Variants in KDM4B observed in about 807,000 individuals in gnomAD.
KDM4B encodes the protein lysine demethylase 4B, also known as lysine-specific demethylase 4B.
In KDM4B, 32 loss-of-function variants were observed where a neutral mutation model predicts 125.2. The observed-to-expected ratio is 0.26, with a 90% CI of 0.19 to 0.34. The LOEUF is 0.34. Among genes scored for constraint, KDM4B ranks in the 10% least tolerant of loss-of-function variants. The pLI is 1.00. For synonymous variants in KDM4B, 721 were observed against 677.9 expected, an observed-to-expected ratio of 1.06 and a Z score of -0.99; for missense variants, 1,190 against 1,577.7, an observed-to-expected ratio of 0.75 and a Z score of 4.16.
At chr19:5,091,519 C>T (rs557955976) in intron 9 of KDM4B, among the ~76,000 whole-genome samples, 1 of 152,262 alleles carries the variant, frequency 6.6e-6, no homozygotes, top group South Asian at 2.1e-4. Context: ...CCATCTCCTC[C>T]CACCTCCCCG....
chr19:5,051,949 G>A (rs1445187868), intron 6 of KDM4B, among the ~76,000 whole-genome samples: 1 of 152,200 alleles, frequency 6.6e-6, no homozygotes, highest in East Asian at 1.9e-4. Context: ...TGCAGGTGTG[G>A]GAGGTGGGGG....
At chr19:4,975,171 C>A (rs749214089) in intron 1 of KDM4B, among the ~76,000 whole-genome samples, 1 of 152,072 alleles carries the variant, frequency 6.6e-6, no homozygotes, top group Non-Finnish European at 1.5e-5. Flanking sequence ...CTGGAAGGGC[C>A]GGAGAATAAA....
chr19:5,058,195 A>G (rs1009932621), intron 6 of KDM4B, among the ~76,000 whole-genome samples: 3 of 151,784 alleles, frequency 2.0e-5, no homozygotes, highest in East Asian at 2.0e-4. Context: ...GGCTCAGCCA[A>G]CAGGGTCTTG....
chr19:5,090,113 T>C (rs1456253087), intron 9 of KDM4B, among the ~76,000 whole-genome samples: 1 of 151,508 alleles, frequency 6.6e-6, no homozygotes, highest in Non-Finnish European at 1.5e-5. Flanking sequence ...GAGGACAGAG[T>C]GGAAGGTCCT....
chr19:5,082,574 C>A lies in KDM4B; in HGVS notation c.918+70C>A, dbSNP rs1478988564. ...AGGCTCTTTTTTGCCTCTGCAGCCA[C>A]ACGCCCATAGCTGGTCCAGCAGCCG... On this transcript the variant is annotated intron_variant, in intron 9 of 22. Coordinates refer to ENST00000159111, the MANE Select transcript of KDM4B (RefSeq NM_015015.3). This position sits in a 1 kb window ranked among gnomAD's most constrained non-coding sequence, Gnocchi z 5.4. 3.3e-6 allele frequency: 5 copies of A among 1,493,890 alleles called. No homozygotes were observed. Among genetic ancestry groups the A allele is most frequent in the Non-Finnish European group, 4.5e-6 (5 of 1,118,086 alleles). The allele number at this position is 1,493,890 out of a possible 1,614,324, so 92.5% of individuals were successfully genotyped here.
At chr19:5,086,916 G>A (rs1221372567) in intron 9 of KDM4B, among the ~76,000 whole-genome samples, 1 of 152,256 alleles carries the variant, frequency 6.6e-6, no homozygotes, top group East Asian at 1.9e-4. Context: ...AGGTTCCCCC[G>A]GCTGTAAAAT....
At chr19:5,116,929 A>G (rs556785667) in intron 10 of KDM4B, among the ~76,000 whole-genome samples, 86 of 152,304 alleles carry the variant, frequency 5.6e-4, no homozygotes, top group Non-Finnish European at 1.6e-4. Flanking sequence ...AGAAACAAGC[A>G]TTGGGTGCAG....
intron 1 of KDM4B, among the ~76,000 whole-genome samples, chr19:5,005,853 C>T (rs932939338): frequency 1.3e-5 from 2 of 152,060 alleles, no homozygotes; most frequent in Non-Finnish European, 2.9e-5. Context: ...TGGCACTGGC[C>T]CTGGGGGTCT....
chr19:5,047,380 A>AC, intron 5 of KDM4B, 96 bp from the exon 6 acceptor site: 1 of 1,191,330 alleles, frequency 8.4e-7, no homozygotes, highest in African/African-American at 1.5e-5. Context: ...ATGGGCAGCG[A>AC]CCCCTGGGAC....
chr19:5,017,914 G>A (rs1173852472), intron 2 of KDM4B, among the ~76,000 whole-genome samples: 1 of 151,726 alleles, frequency 6.6e-6, no homozygotes, highest in Non-Finnish European at 1.5e-5. Context: ...CTAATTTTTT[G>A]TATTTTCAGT....
intron 3 of KDM4B, among the ~76,000 whole-genome samples, chr19:5,037,814 C>A (rs2036677477): frequency 6.6e-6 from 1 of 152,238 alleles, no homozygotes; most frequent in South Asian, 2.1e-4. Context: ...GGACAAGACC[C>A]CCCCTCAGTT....
At chr19:5,023,846 C>T (rs1599438794) in intron 2 of KDM4B, among the ~76,000 whole-genome samples, 1 of 149,762 alleles carries the variant, frequency 6.7e-6, no homozygotes, top group East Asian at 2.0e-4. Context: ...TCACTGCAGC[C>T]TCGATCTCCT....
At chr19:5,045,822 C>T (rs1368323705) in intron 5 of KDM4B, among the ~76,000 whole-genome samples, 4 of 152,092 alleles carry the variant, frequency 2.6e-5, no homozygotes, top group Admixed American at 6.5e-5. Flanking sequence ...GTTGGCCAGG[C>T]TGGTCTCAAG....
intron 18 of KDM4B, among the ~76,000 whole-genome samples, chr19:5,139,326 T>C (rs2039701595): frequency 6.6e-6 from 1 of 151,892 alleles, no homozygotes; most frequent in South Asian, 2.1e-4. Context: ...TGGACGACGT[T>C]GTGTTGATCC....
intron 9 of KDM4B, 90 bp from the exon 10 acceptor site, chr19:5,110,532 G>A: frequency 7.7e-7 from 1 of 1,295,282 alleles, no homozygotes. Context: ...GGGAGGCCCG[G>A]GCCGTGAGCC....
chr19:4,986,490 G>A (rs573700111), intron 1 of KDM4B, among the ~76,000 whole-genome samples: 6 of 152,306 alleles, frequency 3.9e-5, no homozygotes, highest in African/African-American at 1.4e-4. Flanking sequence ...GACAGCGAAG[G>A]CACCTGCCCC....
At chr19:5,129,207 G>A (rs1008303032) in intron 11 of KDM4B, among the ~76,000 whole-genome samples, 3 of 152,178 alleles carry the variant, frequency 2.0e-5, no homozygotes, top group Non-Finnish European at 4.4e-5. Context: ...GGGCAGGGCC[G>A]CCTCCACTCC....
At chr19:4,975,263 G>T (rs1473774188) in intron 1 of KDM4B, among the ~76,000 whole-genome samples, 1 of 152,216 alleles carries the variant, frequency 6.6e-6, no homozygotes, top group Non-Finnish European at 1.5e-5. Flanking sequence ...TCCCGTGGGC[G>T]AGTGTGCCTG....
chr19:5,058,557 T>A (rs1410101198), intron 6 of KDM4B, among the ~76,000 whole-genome samples: 1 of 151,924 alleles, frequency 6.6e-6, no homozygotes, highest in African/African-American at 2.4e-5. Flanking sequence ...GAGCAGGCTT[T>A]CGGGCCAGGG....
Sources: gnomAD v4.1 joint callset for allele counts (sites outside exome capture counted in the v4.1 genomes callset) on GRCh38, gnomAD v4.1.1 for gene constraint, Gnocchi (gnomAD v3.1) non-coding constraint, MANE v1.5 for transcripts, NCBI Gene and HGNC (gene_info 2026-07-23, HGNC 2026-07-21) for gene names.